The following PCDHA5 variants were observed in gnomAD, a reference collection of about 807,000 sequenced individuals.
PCDHA5 encodes the protein protocadherin alpha 5.
A neutral mutation model predicts 61.6 loss-of-function variants in PCDHA5; 43 were observed. The observed-to-expected ratio is 0.70, with a 90% CI of 0.55 to 0.90. PCDHA5 has a LOEUF of 0.90. Among genes scored for constraint, PCDHA5 ranks in the 40% least tolerant of loss-of-function variants. The probability of loss-of-function intolerance (pLI) is 0.00; values close to 1 mark genes in which losing one functional copy is unlikely to be tolerated. For synonymous variants in PCDHA5, 627 were observed against 543.9 expected (o/e 1.15, Z -2.13); for missense variants, 1,298 against 1,222.7 (o/e 1.06, Z -0.92).
intron 1 of PCDHA5, chr5:140,927,515 G>A (rs782499434): frequency 1.2e-6 from 2 of 1,614,100 alleles, no homozygotes; most frequent in South Asian, 1.1e-5. Flanking sequence ...GCTCGGGACG[G>A]CGGGCTACCT....
intron 3 of PCDHA5, among the ~76,000 whole-genome samples, chr5:141,007,495 G>T (rs2098332812): frequency 6.6e-6 from 1 of 151,988 alleles, no homozygotes; most frequent in Non-Finnish European, 1.5e-5. Flanking sequence ...TTGGACCTAG[G>T]AGGCAGAGAC....
intron 1 of PCDHA5, among the ~76,000 whole-genome samples, chr5:140,941,301 TTTC>T (rs1554214297): frequency 1.4e-5 from 2 of 143,748 alleles, no homozygotes; most frequent in African/African-American, 2.6e-5. Flanking sequence ...TCTTTCTTTC[TTTC>T]TTTTTCTTCT....
Position 140,978,964 on chromosome 5 carries a change from C to G in PCDHA5, c.2368C>G (p.Pro790Ala). ...GATTTTGCAGCCACGACAGCCCAAC[C>G]CTGACTGGCGTTACTCTGCCTCCCT... ...TSTDNPRQPN[P>A]DWRYSASLRA... is the part of the protein sequence containing the mutation. The change falls in exon 2 of 4, where the codon CCT becomes GCT. Residue 790 changes from proline to alanine, a missense_variant. Transcript: ENST00000529859. 3 of 1,614,122 alleles carry G rather than the reference C, an allele frequency of 1.9e-6. No homozygotes were observed. The highest frequency in any genetic ancestry group is 2.5e-6 in the Non-Finnish European group (3 of 1,180,010).
chr5:140,999,814 G>A (rs143341016), intron 3 of PCDHA5, among the ~76,000 whole-genome samples: 1 of 152,286 alleles, frequency 6.6e-6, no homozygotes, highest in African/African-American at 2.4e-5. Context: ...CAAAGCAAGA[G>A]CTGTGGCTTT....
At chr5:140,859,049 C>A (rs1416112480) in intron 1 of PCDHA5, 2 of 150,472 alleles carry the variant, frequency 1.3e-5, no homozygotes, top group African/African-American at 4.9e-5. Flanking sequence ...AAAACGTTTT[C>A]CATTTTTATT....
chr5:140,823,319 A>G lies in PCDHA5; in HGVS notation c.1544A>G (p.Lys515Arg). 6.2e-6 allele frequency: 10 copies of G among 1,612,228 alleles called. No homozygotes were observed. The highest frequency in any genetic ancestry group is 7.6e-6 in the Non-Finnish European group (9 of 1,179,724). ...GTTTCGGTGCACGCGGAGAGCGGCA[A>G]GGTGTACGCGCTGCAGCCGCTGGAC... Reference protein sequence around the residue: ...SYVSVHAESGKVYALQPLDHE... With the variant: ...SYVSVHAESGRVYALQPLDHE... The change falls in exon 1 of 4, where the codon AAG becomes AGG. Residue 515 changes from lysine (K) to arginine (R), a missense_variant. Physicochemically the swap from Lys to Arg is conservative, Grantham distance 26. Coordinates refer to ENST00000529859, the MANE Select transcript of PCDHA5 (RefSeq NM_018908.3).
At chr5:140,969,180 C>T in intron 1 of PCDHA5, 1 of 1,614,110 alleles carries the variant, frequency 6.2e-7, no homozygotes, top group Non-Finnish European at 8.5e-7. Context: ...GGGAGTGACA[C>T]TTTCATGTTT....
intron 1 of PCDHA5, chr5:140,841,677 T>A (rs2150320586): frequency 5.6e-6 from 9 of 1,614,014 alleles, no homozygotes; most frequent in Non-Finnish European, 7.6e-6. Flanking sequence ...GTTTTCCATG[T>A]GGACGTGGAG....
chr5:140,973,411 C>G (rs545745437), intron 1 of PCDHA5, among the ~76,000 whole-genome samples: 2 of 152,326 alleles, frequency 1.3e-5, no homozygotes, highest in East Asian at 3.9e-4. Context: ...TGAGCTTCCA[C>G]TCCAGTTTTT....
chr5:140,884,500 G>C (rs782378726), intron 1 of PCDHA5: 10 of 1,614,004 alleles, frequency 6.2e-6, no homozygotes, highest in Admixed American at 3.3e-5. Flanking sequence ...GCTCCAGCGC[G>C]GCAGGGAGTT....
chr5:140,946,611 A>T (rs868983636), intron 1 of PCDHA5, among the ~76,000 whole-genome samples: 1 of 86,804 alleles, frequency 1.2e-5, no homozygotes, highest in Admixed American at 1.2e-4. Context: ...GAAAATGTGA[A>T]ATATATATAT....
intron 1 of PCDHA5, chr5:140,850,281 G>A: frequency 6.3e-7 from 1 of 1,595,580 alleles, no homozygotes. Context: ...GAAGGTGCGC[G>A]CAGTGGACGC....
At chr5:140,846,129 T>C (rs1780211983) in intron 1 of PCDHA5, among the ~76,000 whole-genome samples, 1 of 149,730 alleles carries the variant, frequency 6.7e-6, no homozygotes, top group South Asian at 2.1e-4. Context: ...GATAGTTGTA[T>C]GTTTCCCATA....
rs140634296 is a variant in PCDHA5 at position 140,850,279 on chromosome 5, G to T, written c.2352+26152G>T. Reference sequence around the variant, plus strand: ...GCCGGCGTAGTGGTGGGGAAGGTGCGCGCAGTGGACGCCGACTCGGGCTAC... The same window carrying T: ...GCCGGCGTAGTGGTGGGGAAGGTGCTCGCAGTGGACGCCGACTCGGGCTAC... On this transcript the variant is annotated intron_variant, in intron 1 of 3. Transcript: ENST00000529859. The T allele has an allele frequency of 5.0e-6, 8 of 1,595,454 alleles. 2 individuals are homozygous for T. The highest frequency in any genetic ancestry group is 1.1e-5 in the South Asian group (1 of 90,466).
At chr5:140,937,705 G>T (rs892429555) in intron 1 of PCDHA5, among the ~76,000 whole-genome samples, 2 of 151,928 alleles carry the variant, frequency 1.3e-5, no homozygotes, top group Admixed American at 6.6e-5. Context: ...GAGGTCAGGA[G>T]ATCAAGACCA....
At chr5:140,874,212 T>C (rs1199574859) in intron 1 of PCDHA5, among the ~76,000 whole-genome samples, 1 of 152,252 alleles carries the variant, frequency 6.6e-6, no homozygotes, top group Non-Finnish European at 1.5e-5. Context: ...TTTATTATTA[T>C]ATGCAGTAGG....
At chr5:140,850,090 A>G (rs2150466556) in intron 1 of PCDHA5, 1 of 1,596,664 alleles carries the variant, frequency 6.3e-7, no homozygotes, top group Admixed American at 1.7e-5. Context: ...GAGCTGCTAC[A>G]GTTCCAGGTG....
At chr5:140,872,294 T>C in intron 1 of PCDHA5, among the ~76,000 whole-genome samples, 1 of 152,190 alleles carries the variant, frequency 6.6e-6, no homozygotes, top group East Asian at 1.9e-4. Flanking sequence ...AAGCCTTGCA[T>C]TCTTATATGC....
At chr5:140,903,202 C>T (rs1322362050) in intron 1 of PCDHA5, among the ~76,000 whole-genome samples, 4 of 152,184 alleles carry the variant, frequency 2.6e-5, no homozygotes, top group Admixed American at 2.0e-4. Context: ...GTGTCCTTTT[C>T]ACCACATTCA....
Sources: allele counts gnomAD v4.1 joint callset (sites outside exome capture counted in the v4.1 genomes callset), GRCh38; gene constraint gnomAD v4.1.1; transcripts MANE v1.5; gene names NCBI Gene and HGNC (gene_info 2026-07-23, HGNC 2026-07-21).